IL18: variants seen among roughly 807,000 people sequenced by gnomAD.
IL18 encodes the protein interleukin 18.
Under a neutral mutation model 14.2 loss-of-function variants are expected in IL18, and 8 were observed. The observed-to-expected ratio is 0.56, with a 90% CI of 0.33 to 1.01. The LOEUF (loss-of-function observed/expected upper bound fraction) is 1.01, where lower values mean the gene tolerates loss of function less well. IL18 is among the 50% of genes least tolerant of loss of function. The pLI is 0.03. For missense variants in IL18, 166 were observed against 231.1 expected (o/e 0.72, Z 1.83); for synonymous variants, 67 against 71.0 (o/e 0.94, Z 0.28).
At chr11:112,151,196 G>A (rs1866433562) in intron 3 of IL18, 2 of 152,052 alleles carry the variant, frequency 1.3e-5, no homozygotes, top group Non-Finnish European at 1.5e-5. Context: ...AAATAAAAAG[G>A]GCAAAGATAT....
intron 1 of IL18, among the ~76,000 whole-genome samples, chr11:112,161,802 A>C (rs1012250481): frequency 2.6e-5 from 4 of 152,068 alleles, no homozygotes; most frequent in African/African-American, 9.7e-5. Context: ...TCCATCTCAA[A>C]CAACAACAAC....
At chr11:112,148,869 T>G in intron 4 of IL18, 133 bp from the exon 5 acceptor site, 3 of 458,150 alleles carry the variant, frequency 6.5e-6, no homozygotes, top group Non-Finnish European at 1.1e-5. Flanking sequence ...TGCAGGAGAC[T>G]ATGTACAGCT....
At chr11:112,162,094 G>C (rs1866641845) in intron 1 of IL18, among the ~76,000 whole-genome samples, 1 of 152,118 alleles carries the variant, frequency 6.6e-6, no homozygotes, top group African/African-American at 2.4e-5. Context: ...GGTGAGAGTA[G>C]CAGAAAACTT....
intron 1 of IL18, among the ~76,000 whole-genome samples, chr11:112,159,482 A>G (rs1866593518): frequency 6.6e-6 from 1 of 152,188 alleles, no homozygotes; most frequent in Non-Finnish European, 1.5e-5. Flanking sequence ...GATACTAAAC[A>G]GCGGGATTTC....
At chr11:112,155,759 C>T (rs746176579) in intron 1 of IL18, among the ~76,000 whole-genome samples, 3 of 152,178 alleles carry the variant, frequency 2.0e-5, no homozygotes, top group Non-Finnish European at 2.9e-5. Flanking sequence ...TGCCCCTCTT[C>T]CAATACGGTG....
intron 1 of IL18, among the ~76,000 whole-genome samples, chr11:112,155,867 C>T (rs1394095879): frequency 6.6e-6 from 1 of 152,064 alleles, no homozygotes. Flanking sequence ...TTTCACCAAC[C>T]TCTGAAATTT....
chr11:112,159,311 T>C (rs1170467078), intron 1 of IL18, among the ~76,000 whole-genome samples: 1 of 152,012 alleles, frequency 6.6e-6, no homozygotes, highest in African/African-American at 2.4e-5. Context: ...CACTTCAGCC[T>C]GGGCAGCAAA....
intron 5 of IL18, among the ~76,000 whole-genome samples, chr11:112,145,916 T>C (rs937292404): frequency 1.3e-5 from 2 of 152,076 alleles, no homozygotes; most frequent in Admixed American, 1.3e-4. Context: ...CCAGCCATCA[T>C]AGGGAAGGTA....
intron 1 of IL18, among the ~76,000 whole-genome samples, chr11:112,161,395 T>C (rs894475798): frequency 6.6e-6 from 1 of 152,220 alleles, no homozygotes; most frequent in East Asian, 1.9e-4. Flanking sequence ...GAGAGAACCA[T>C]TGATATGTGG....
chr11:112,163,677 G>C (rs1866674203), intron 1 of IL18, among the ~76,000 whole-genome samples: 1 of 152,088 alleles, frequency 6.6e-6, no homozygotes, highest in South Asian at 2.1e-4. Flanking sequence ...TTAGTGTAAA[G>C]GGAACATGAG....
At chr11:112,160,312 C>CAT (rs113387619) in intron 1 of IL18, among the ~76,000 whole-genome samples, 3 of 138,080 alleles carry the variant, frequency 2.2e-5, no homozygotes, top group African/African-American at 8.1e-5. Context: ...CTTCCCCTGC[C>CAT]TTTTTTTTTT....
At chr11:112,156,486 A>G (rs1163721561) in intron 1 of IL18, among the ~76,000 whole-genome samples, 2 of 151,726 alleles carry the variant, frequency 1.3e-5, no homozygotes, top group Non-Finnish European at 2.9e-5. Context: ...GTTGGAGTGC[A>G]GTGGCACGAT....
chr11:112,150,359 AC>A, intron 3 of IL18, 153 bp from the exon 4 acceptor site: 1 of 578,066 alleles, frequency 1.7e-6, no homozygotes, highest in South Asian at 2.1e-5. Context: ...TTTTTAACCT[AC>A]TCTCAAAGGC....
intron 1 of IL18, among the ~76,000 whole-genome samples, chr11:112,162,343 T>C: frequency 1.8e-5 from 1 of 56,816 alleles, no homozygotes; most frequent in Non-Finnish European, 3.8e-5. Flanking sequence ...TTTCTTTTCT[T>C]TTTTTTTTTT....
intron 1 of IL18, 53 bp downstream of exon 1, chr11:112,163,853 A>G (rs574115707): frequency 3.9e-4 from 60 of 152,474 alleles, no homozygotes; most frequent in African/African-American, 1.4e-3. Flanking sequence ...TAGCTTATTT[A>G]CCTCTAATTG....
At chr11:112,163,182 A>G (rs1289734621) in intron 1 of IL18, among the ~76,000 whole-genome samples, 3 of 152,184 alleles carry the variant, frequency 2.0e-5, no homozygotes, top group African/African-American at 7.2e-5. Context: ...CCTTTCCTTA[A>G]TTGTGAAAGA....
chr11:112,157,144 G>C (rs1866548340), intron 1 of IL18, among the ~76,000 whole-genome samples: 1 of 152,126 alleles, frequency 6.6e-6, no homozygotes, highest in Non-Finnish European at 1.5e-5. Context: ...GTTAATGACT[G>C]CATTAACTGA....
intron 3 of IL18, among the ~76,000 whole-genome samples, chr11:112,151,383 T>C (rs1372776231): frequency 6.6e-6 from 1 of 152,146 alleles, no homozygotes. Context: ...GTAGAAATAT[T>C]GTATCAAAAT....
chr11:112,163,070 TA>T (rs1167476607), intron 1 of IL18, among the ~76,000 whole-genome samples: 2 of 152,222 alleles, frequency 1.3e-5, no homozygotes, highest in Non-Finnish European at 2.9e-5. Context: ...TAATAGAACG[TA>T]AAGTAGCTGA....
Sources: allele counts gnomAD v4.1 joint callset (sites outside exome capture counted in the v4.1 genomes callset), GRCh38; gene constraint gnomAD v4.1.1; transcripts MANE v1.5; gene names NCBI Gene and HGNC (gene_info 2026-07-23, HGNC 2026-07-21).